Variants in GRIN2A observed in about 807,000 individuals in gnomAD.
The protein encoded by GRIN2A is glutamate receptor ionotropic, NMDA 2A.
GRIN2A carries 22 observed loss-of-function variants against 113.4 expected under a neutral mutation model. The observed-to-expected ratio is 0.19, with a 90% CI of 0.14 to 0.28. GRIN2A has a LOEUF of 0.28. Among genes scored for constraint, GRIN2A ranks in the 10% least tolerant of loss-of-function variants. The probability of loss-of-function intolerance (pLI) is 1.00; values close to 1 mark genes in which losing one functional copy is unlikely to be tolerated. For synonymous variants in GRIN2A, 827 were observed against 738.4 expected (o/e 1.12, Z -1.94); for missense variants, 1,502 against 1,887.0 (o/e 0.80, Z 3.78).
At chr16:9,966,918 A>C (rs967768823) in intron 2 of GRIN2A, among the ~76,000 whole-genome samples, 1 of 152,230 alleles carries the variant, frequency 6.6e-6, no homozygotes, top group East Asian at 1.9e-4. Flanking sequence ...GAACCACAGC[A>C]CAAAGGTTAC....
At chr16:9,899,158 G>A (rs901533099) in intron 3 of GRIN2A, among the ~76,000 whole-genome samples, 7 of 152,018 alleles carry the variant, frequency 4.6e-5, no homozygotes, top group Admixed American at 4.6e-4. Flanking sequence ...GGCAGAGAAG[G>A]CCAGGCGCGG....
chr16:9,933,510 T>G (rs1163723103), intron 3 of GRIN2A, among the ~76,000 whole-genome samples: 1 of 152,188 alleles, frequency 6.6e-6, no homozygotes, highest in Non-Finnish European at 1.5e-5. Flanking sequence ...CTGGAGCTAT[T>G]TGCAACCTCC....
chr16:9,998,302 C>T (rs958016154), intron 2 of GRIN2A, among the ~76,000 whole-genome samples: 4 of 152,166 alleles, frequency 2.6e-5, no homozygotes, highest in African/African-American at 9.7e-5. Context: ...CCAGGCATAA[C>T]ACTGTATGAT....
intron 5 of GRIN2A, among the ~76,000 whole-genome samples, chr16:9,848,709 T>G (rs1281435495): frequency 2.8e-5 from 2 of 72,292 alleles, no homozygotes; most frequent in African/African-American, 1.7e-4. Flanking sequence ...TACACTGTTT[T>G]ATAATATTTT....
At chr16:9,938,991 C>T (rs373713156) in intron 2 of GRIN2A, among the ~76,000 whole-genome samples, 2 of 152,230 alleles carry the variant, frequency 1.3e-5, no homozygotes, top group African/African-American at 4.8e-5. Flanking sequence ...AGTATGAAGC[C>T]ATTTCTCCTG....
rs765385926 is a variant in GRIN2A, at chr16:9,891,014, A to G, written c.1094T>C (p.Val365Ala). 2 of 1,612,342 alleles carry G rather than the reference A, an allele frequency of 1.2e-6. No homozygotes were observed. Among genetic ancestry groups the G allele is most frequent in the Non-Finnish European group, 1.7e-6 (2 of 1,178,392 alleles). The change falls in exon 4 of 13, where the codon GTG becomes GCG. Residue 365 changes from valine (V) to alanine (A), a missense_variant. By Grantham distance (64) the Val-to-Ala change is moderately conservative. Coordinates refer to ENST00000330684, the MANE Select transcript of GRIN2A (RefSeq NM_001134407.3). ...TTCCCATTCCCGGTCTTTGTTCAGC[A>G]CAATCACCACCAGCCTGGGGTGCAC... Reference protein sequence around the residue: ...YQVHPRLVVIVLNKDREWEKV... With the variant: ...YQVHPRLVVIALNKDREWEKV...
chr16:9,831,612 T>A (rs2042497842), intron 8 of GRIN2A, among the ~76,000 whole-genome samples: 1 of 147,988 alleles, frequency 6.8e-6, no homozygotes, highest in African/African-American at 2.5e-5. Flanking sequence ...ACTTCCCGGG[T>A]TCAAGGGATT....
At chr16:10,014,978 G>A (rs1459220521) in intron 2 of GRIN2A, among the ~76,000 whole-genome samples, 1 of 152,084 alleles carries the variant, frequency 6.6e-6, no homozygotes, top group Non-Finnish European at 1.5e-5. Context: ...AACTGGACAG[G>A]TGTGGTGGCT....
intron 10 of GRIN2A, among the ~76,000 whole-genome samples, chr16:9,799,804 G>T (rs914869677): frequency 6.6e-6 from 1 of 151,934 alleles, no homozygotes; most frequent in Non-Finnish European, 1.5e-5. Context: ...GAGGTATAAC[G>T]TATGTGTAAT....
In GRIN2A at chr16:10,127,221, A is replaced by G. The variant is rs145961622; in HGVS notation, c.414+52777T>C. On this transcript the variant is annotated intron_variant, in intron 2 of 12. Transcript: ENST00000330684. Reference sequence around the variant, plus strand: ...CACTCCAGCCTGGCAACAGAGATTCAGTCTTGAAAAAAAAAAAAATCCACC... The same window carrying G: ...CACTCCAGCCTGGCAACAGAGATTCGGTCTTGAAAAAAAAAAAAATCCACC... 4.5e-4 allele frequency among the ~76,000 whole-genome samples: 65 copies of G among 145,340 alleles called. 1 individual carries two copies. The highest frequency in any genetic ancestry group is 1.5e-3 in the South Asian group (7 of 4,626).
intron 11 of GRIN2A, among the ~76,000 whole-genome samples, chr16:9,774,705 G>A (rs1387134047): frequency 3.3e-5 from 5 of 152,198 alleles, no homozygotes. Context: ...TTAATATCGA[G>A]CAAATGGGAG....
At chr16:9,916,732 C>T (rs2044259552) in intron 3 of GRIN2A, among the ~76,000 whole-genome samples, 1 of 152,208 alleles carries the variant, frequency 6.6e-6, no homozygotes, top group East Asian at 1.9e-4. Context: ...ACCAGTTCCT[C>T]CCCGCCACCC....
intron 8 of GRIN2A, among the ~76,000 whole-genome samples, chr16:9,833,639 C>T (rs958707234): frequency 6.6e-6 from 1 of 152,194 alleles, no homozygotes; most frequent in Non-Finnish European, 1.5e-5. Context: ...AGTTGAAGTA[C>T]ATAAACCATA....
intron 3 of GRIN2A, among the ~76,000 whole-genome samples, chr16:9,928,394 G>A (rs971826616): frequency 3.3e-5 from 5 of 152,108 alleles, no homozygotes; most frequent in Non-Finnish European, 5.9e-5. Flanking sequence ...TTAATCGGTC[G>A]TGAGCACCTG....
chr16:10,055,046 T>TAAAAAAAAAAAAAAAAAAAAAAAAA (rs1567266287), intron 2 of GRIN2A, among the ~76,000 whole-genome samples: 5 of 12,490 alleles, frequency 4.0e-4, no homozygotes, highest in Admixed American at 1.7e-3. Flanking sequence ...AGACTCTATC[T>TAAAAAAAAAAAAAAAAAAAAAAAAA]CAAAAAAAAA....
At chr16:9,987,325 G>A (rs530134419) in intron 2 of GRIN2A, among the ~76,000 whole-genome samples, 12 of 152,264 alleles carry the variant, frequency 7.9e-5, no homozygotes, top group East Asian at 7.7e-4. Context: ...TTTTGTAGGT[G>A]CATATGAAAG....
intron 2 of GRIN2A, among the ~76,000 whole-genome samples, chr16:9,962,980 A>G (rs1352703816): frequency 2.6e-5 from 4 of 151,878 alleles, no homozygotes; most frequent in Admixed American, 2.0e-4. Flanking sequence ...AGGGGCATGG[A>G]TGAAGCTGGA....
At chr16:10,030,370 G>A (rs1158814285) in intron 2 of GRIN2A, among the ~76,000 whole-genome samples, 3 of 152,162 alleles carry the variant, frequency 2.0e-5, no homozygotes, top group South Asian at 4.1e-4. Context: ...CATGTGCACA[G>A]GTGAGACACT....
rs1160964676 is a variant in GRIN2A, at chr16:10,180,398, C to A, written c.14G>T (p.Gly5Val). The change falls in exon 2 of 13, where the codon GGC becomes GTC. Residue 5 changes from glycine (G) to valine (V), a missense_variant. Gly to Val is a moderately radical substitution (Grantham distance 109). Around this residue, in one of 7 missense-constraint regions of GRIN2A, gnomAD observed 149 missense variants for 179.1 expected, o/e 0.83. Transcript: ENST00000330684. This position sits in a 1 kb window ranked among gnomAD's most constrained non-coding sequence, Gnocchi z 7.0. ...CGGCAGCACCAGCAGGGTCCAATAG[C>A]CCACTCTGCCCATAGTCGCCACTGA... Reference protein sequence around the residue: MGRVGYWTLLVLPAL... With the variant: MGRVVYWTLLVLPAL... 1 of 1,606,296 alleles carries A rather than the reference C, an allele frequency of 6.2e-7. No homozygotes were observed. The highest frequency in any genetic ancestry group is 1.3e-5 in the African/African-American group (1 of 75,042).
Sources: allele counts gnomAD v4.1 joint callset (sites outside exome capture counted in the v4.1 genomes callset), GRCh38; gene constraint gnomAD v4.1.1; regional missense constraint gnomAD v4.1.1; non-coding constraint Gnocchi (gnomAD v3.1); transcripts MANE v1.5; gene names NCBI Gene and HGNC (gene_info 2026-07-23, HGNC 2026-07-21).